ENTREP2: variants seen among roughly 807,000 people sequenced by gnomAD.
The protein encoded by ENTREP2 is endosomal transmembrane epsin interactor 2, also known as protein ENTREP2.
chr15:29,388,076 A>G, the ENTREP2 span, among the ~76,000 whole-genome samples: 5 of 152,344 alleles, frequency 3.3e-5, no homozygotes, highest in East Asian at 9.6e-4. Flanking sequence ...CTTCATGTCT[A>G]AAACACCAAA....
At chr15:29,649,798 C>G in the ENTREP2 span, among the ~76,000 whole-genome samples, 1 of 150,402 alleles carries the variant, frequency 6.6e-6, no homozygotes, top group African/African-American at 2.4e-5. Context: ...TGGCTAAAAT[C>G]AGGTTGTTCT....
At chr15:29,521,135 C>T in the ENTREP2 span, among the ~76,000 whole-genome samples, 2 of 152,132 alleles carry the variant, frequency 1.3e-5, no homozygotes, top group Non-Finnish European at 2.9e-5. Flanking sequence ...TGGGATGCTG[C>T]TACCCACCCC....
the ENTREP2 span, among the ~76,000 whole-genome samples, chr15:29,599,966 A>G: frequency 6.6e-6 from 1 of 152,226 alleles, no homozygotes; most frequent in Non-Finnish European, 1.5e-5. Context: ...TAAAACCACA[A>G]ATAAACTGTA....
the ENTREP2 span, among the ~76,000 whole-genome samples, chr15:29,669,649 C>T: frequency 6.6e-6 from 1 of 152,202 alleles, no homozygotes; most frequent in East Asian, 1.9e-4. Flanking sequence ...CCCCAGGAGG[C>T]TCCTGGAGGA....
chr15:29,250,133 G>A, the ENTREP2 span, among the ~76,000 whole-genome samples: 1 of 152,140 alleles, frequency 6.6e-6, no homozygotes, highest in South Asian at 2.1e-4. Context: ...CAATAGGAAA[G>A]GGAAGCAAGG....
chr15:29,552,361 T>C, the ENTREP2 span, among the ~76,000 whole-genome samples: 1 of 151,990 alleles, frequency 6.6e-6, no homozygotes, highest in African/African-American at 2.4e-5. Flanking sequence ...GTTATATGAG[T>C]AACCACTGGA....
At chr15:29,469,706 C>T in the ENTREP2 span, among the ~76,000 whole-genome samples, 76,888 of 152,002 alleles carry the variant, frequency 0.51, 20,548 homozygotes, top group African/African-American at 0.7. Flanking sequence ...GAGTTGTACA[C>T]TTCAACATGG....
chr15:29,254,025 A>C, the ENTREP2 span, among the ~76,000 whole-genome samples: 1 of 152,114 alleles, frequency 6.6e-6, no homozygotes, highest in Non-Finnish European at 1.5e-5. Flanking sequence ...TGTATGCTTA[A>C]TTAGCACTCT....
the ENTREP2 span, among the ~76,000 whole-genome samples, chr15:29,607,859 T>C: frequency 1.1e-4 from 17 of 149,134 alleles, no homozygotes; most frequent in Admixed American, 9.9e-4. Context: ...TAGATATAGA[T>C]AGATAGACAG....
chr15:29,602,974 C>G, the ENTREP2 span, among the ~76,000 whole-genome samples: 12 of 152,202 alleles, frequency 7.9e-5, no homozygotes, highest in African/African-American at 2.9e-4. Context: ...TCGTAGCTAC[C>G]AAAAGCCCAT....
the ENTREP2 span, among the ~76,000 whole-genome samples, chr15:29,378,280 C>A: frequency 6.6e-6 from 1 of 150,504 alleles, no homozygotes; most frequent in African/African-American, 2.4e-5. Flanking sequence ...CATACAGGTC[C>A]CACTCGATGA....
the ENTREP2 span, among the ~76,000 whole-genome samples, chr15:29,279,015 C>T: frequency 1.3e-5 from 2 of 152,198 alleles, no homozygotes; most frequent in African/African-American, 4.8e-5. Context: ...ATGTACATCC[C>T]TGGTGTCTCT....
chr15:29,245,625 T>C, the ENTREP2 span, among the ~76,000 whole-genome samples: 6 of 150,864 alleles, frequency 4.0e-5, no homozygotes, highest in African/African-American at 9.7e-5. Context: ...ATATAATATA[T>C]ATAATATGTA....
chr15:29,500,192 C>A, the ENTREP2 span, among the ~76,000 whole-genome samples: 44 of 152,066 alleles, frequency 2.9e-4, 1 homozygote, highest in African/African-American at 9.9e-4. Flanking sequence ...ATGAATAGAA[C>A]AAATAGAATA....
At chr15:29,188,336 C>T in the ENTREP2 span, among the ~76,000 whole-genome samples, 2 of 152,044 alleles carry the variant, frequency 1.3e-5, no homozygotes, top group Admixed American at 6.5e-5. Flanking sequence ...TGGTGGTTTG[C>T]TGCACCCATC....
the ENTREP2 span, among the ~76,000 whole-genome samples, chr15:29,665,542 A>C: frequency 1.3e-5 from 2 of 152,178 alleles, no homozygotes; most frequent in Non-Finnish European, 2.9e-5. Flanking sequence ...TCCTCGTGGG[A>C]GGAAAACTGG....
chr15:29,208,761 C>T, the ENTREP2 span, among the ~76,000 whole-genome samples: 1 of 152,134 alleles, frequency 6.6e-6, no homozygotes, highest in Non-Finnish European at 1.5e-5. Context: ...AAGCAATACA[C>T]GAGAATAGCC....
At chr15:29,228,949 C>CTT in the ENTREP2 span, among the ~76,000 whole-genome samples, 4 of 152,190 alleles carry the variant, frequency 2.6e-5, no homozygotes, top group East Asian at 5.8e-4. Context: ...ATTGGTGAAT[C>CTT]TTTTCTTTTC....
At chr15:29,455,057 G>A in the ENTREP2 span, among the ~76,000 whole-genome samples, 1 of 152,132 alleles carries the variant, frequency 6.6e-6, no homozygotes, top group East Asian at 1.9e-4. Flanking sequence ...CTGACCAATG[G>A]AGCTGTGGCA....
Sources: allele counts gnomAD v4.1 joint callset (sites outside exome capture counted in the v4.1 genomes callset), GRCh38; gene constraint gnomAD v4.1.1; transcripts MANE v1.5; gene names NCBI Gene and HGNC (gene_info 2026-07-23, HGNC 2026-07-21).